CRISPLD2: variants seen among roughly 807,000 people sequenced by gnomAD.
CRISPLD2 encodes the protein cysteine-rich secretory protein LCCL domain-containing 2.
Under a neutral mutation model 71.1 loss-of-function variants are expected in CRISPLD2, and 47 were observed. That is an observed-to-expected ratio of 0.66 (90% CI 0.52 to 0.84). The LOEUF (loss-of-function observed/expected upper bound fraction) is 0.84, where lower values mean the gene tolerates loss of function less well. CRISPLD2 is among the 40% of genes least tolerant of loss of function. CRISPLD2 has a pLI of 0.00. For synonymous variants in CRISPLD2, 317 were observed against 250.1 expected (o/e 1.27, Z -2.52); for missense variants, 830 against 651.1 (o/e 1.27, Z -2.99).
chr16:84,849,578 G>A, intron 4 of CRISPLD2, 61 bp downstream of exon 4: 1 of 1,514,600 alleles, frequency 6.6e-7, no homozygotes, highest in Non-Finnish European at 9.0e-7. Context: ...TTCACCCCCT[G>A]CCCCTGGGGG....
At chr16:84,888,222 C>T (rs367988067) in intron 13 of CRISPLD2, among the ~76,000 whole-genome samples, 7 of 152,288 alleles carry the variant, frequency 4.6e-5, no homozygotes, top group African/African-American at 1.7e-4. Flanking sequence ...GGCTCATGGC[C>T]TCTTCTTCCA....
At chr16:84,896,425 C>T (rs1030662918) in intron 14 of CRISPLD2, among the ~76,000 whole-genome samples, 2 of 152,096 alleles carry the variant, frequency 1.3e-5, no homozygotes, top group African/African-American at 2.4e-5. Context: ...CATATACAGA[C>T]AGTCTTAGAC....
At chr16:84,870,059 C>T (rs532115624) in intron 8 of CRISPLD2, among the ~76,000 whole-genome samples, 1 of 152,228 alleles carries the variant, frequency 6.6e-6, no homozygotes. Flanking sequence ...CTCATTCTCT[C>T]TGTAGAAGCC....
intron 14 of CRISPLD2, among the ~76,000 whole-genome samples, chr16:84,891,758 G>C (rs1253090767): frequency 6.6e-6 from 1 of 152,192 alleles, no homozygotes; most frequent in Non-Finnish European, 1.5e-5. Context: ...CCATTGGTAG[G>C]CCCCTGGGGA....
At chr16:84,832,589 A>G (rs1031045365) in intron 1 of CRISPLD2, among the ~76,000 whole-genome samples, 5 of 152,242 alleles carry the variant, frequency 3.3e-5, no homozygotes, top group Non-Finnish European at 7.3e-5. Flanking sequence ...GGTTTCTAGG[A>G]AGCCGTGCTC....
intron 5 of CRISPLD2, among the ~76,000 whole-genome samples, chr16:84,851,303 G>C (rs140660976): frequency 3.3e-5 from 5 of 152,358 alleles, no homozygotes; most frequent in Admixed American, 6.5e-5. Flanking sequence ...AGCATGCTCA[G>C]CTCATCAGTG....
chr16:84,906,361 G>C (rs1291192325), intron 14 of CRISPLD2, among the ~76,000 whole-genome samples: 1 of 152,152 alleles, frequency 6.6e-6, no homozygotes, highest in Non-Finnish European at 1.5e-5. Context: ...TAACAGCCTT[G>C]ACCTAGAATC....
rs2071799216 is a variant in CRISPLD2, at chr16:84,906,031, CT to C, written c.1440-554del. Among the ~76,000 whole-genome samples, 3 of 152,014 alleles carry C rather than the reference CT, an allele frequency of 2.0e-5. No individual in the cohort carries two copies. In the South Asian group the frequency reaches 6.2e-4, roughly 32 times the overall value. On this transcript the variant is annotated intron_variant, in intron 14 of 14. Transcript: ENST00000262424. Reference sequence around the variant, plus strand: ...CCTAAAGCTCTTTTTTAAAAACCATCTTTGATTAGCTGAAGGATTTAACTCC... The same window carrying C: ...CCTAAAGCTCTTTTTTAAAAACCATCTTGATTAGCTGAAGGATTTAACTCC...
intron 11 of CRISPLD2, among the ~76,000 whole-genome samples, chr16:84,876,239 C>A (rs901128671): frequency 6.6e-6 from 1 of 152,356 alleles, no homozygotes; most frequent in Admixed American, 6.5e-5. Flanking sequence ...CGGTGGCTCA[C>A]GCCTATAATC....
At chr16:84,869,004 C>G (rs1480179961) in intron 8 of CRISPLD2, 93 bp downstream of exon 8, 2 of 1,097,568 alleles carry the variant, frequency 1.8e-6, no homozygotes, top group Non-Finnish European at 2.6e-6. Flanking sequence ...GCTGGGCTGT[C>G]CTGCTGTTGC....
At chr16:84,851,309 CA>C (rs1917083287) in intron 5 of CRISPLD2, among the ~76,000 whole-genome samples, 2 of 152,268 alleles carry the variant, frequency 1.3e-5, no homozygotes. Flanking sequence ...CTCAGCTCAT[CA>C]GTGTGGTGTC....
At chr16:84,840,913 A>G (rs535956514) in intron 2 of CRISPLD2, among the ~76,000 whole-genome samples, 5 of 152,202 alleles carry the variant, frequency 3.3e-5, no homozygotes, top group Non-Finnish European at 7.3e-5. Flanking sequence ...TATTTAATCA[A>G]CTGGTGAATT....
chr16:84,894,094 A>G (rs942563598), intron 14 of CRISPLD2, among the ~76,000 whole-genome samples: 1 of 152,170 alleles, frequency 6.6e-6, no homozygotes, highest in African/African-American at 2.4e-5. Context: ...TGGTTTAGCA[A>G]TGATCCTCCT....
chr16:84,904,795 A>G (rs1022672496), intron 14 of CRISPLD2, among the ~76,000 whole-genome samples: 1 of 152,170 alleles, frequency 6.6e-6, no homozygotes, highest in Non-Finnish European at 1.5e-5. Context: ...CTCACACTAT[A>G]TATAAAAATT....
rs779061079 is a variant in CRISPLD2, at chr16:84,830,936, G to T, written c.-74-7486G>T. ...TTGCTTGAAGTTGGCCATGGTGGGA[G>T]TATTTACACCAAGGGAATTGGCAAA... On this transcript the variant is annotated intron_variant, in intron 1 of 14. Transcript: ENST00000262424. 2.0e-5 allele frequency among the ~76,000 whole-genome samples: 3 copies of T among 152,166 alleles called. 1 individual carries two copies. Among genetic ancestry groups the T allele is most frequent in the African/African-American group, 7.2e-5 (3 of 41,432 alleles).
chr16:84,836,978 G>A (rs1427367998), intron 1 of CRISPLD2, among the ~76,000 whole-genome samples: 3 of 152,172 alleles, frequency 2.0e-5, no homozygotes, highest in Admixed American at 6.5e-5. Flanking sequence ...TGGGGACTGC[G>A]GGTTTCCTCC....
intron 1 of CRISPLD2, among the ~76,000 whole-genome samples, chr16:84,824,755 T>C (rs1453616244): frequency 6.6e-6 from 1 of 152,196 alleles, no homozygotes; most frequent in African/African-American, 2.4e-5. Flanking sequence ...GATAGAAAGT[T>C]ACCTTTTTAA....
intron 10 of CRISPLD2, 143 bp downstream of exon 10, chr16:84,873,265 G>A (rs1036058281): frequency 8.8e-6 from 8 of 911,124 alleles, no homozygotes; most frequent in Non-Finnish European, 1.3e-5. Flanking sequence ...ATCACCTGAG[G>A]TCAGGAGTTC....
At chr16:84,849,893 T>G (rs1316263119) in intron 4 of CRISPLD2, among the ~76,000 whole-genome samples, 1 of 19,380 alleles carries the variant, frequency 5.2e-5, no homozygotes, top group Admixed American at 6.4e-4. Context: ...AATTTTTGTA[T>G]TTTTTTTTTT....
Sources: allele counts gnomAD v4.1 joint callset (sites outside exome capture counted in the v4.1 genomes callset), GRCh38; gene constraint gnomAD v4.1.1; transcripts MANE v1.5; gene names NCBI Gene and HGNC (gene_info 2026-07-23, HGNC 2026-07-21).